The following SPATA6 variants were observed in gnomAD, a reference collection of about 807,000 sequenced individuals.
The protein encoded by SPATA6 is spermatogenesis associated 6.
SPATA6 carries 56 observed loss-of-function variants against 65.3 expected under a neutral mutation model. The observed-to-expected ratio is 0.86, with a 90% confidence interval of 0.69 to 1.07. SPATA6 has a LOEUF of 1.07. Ranked by LOEUF, SPATA6 falls within the 50% of genes least tolerant of loss-of-function variation. The pLI, the probability that SPATA6 is intolerant of heterozygous loss-of-function variation, is 0.00. For missense variants in SPATA6, 590 were observed against 594.8 expected (o/e 0.99, Z 0.08); for synonymous variants, 199 against 213.2 (o/e 0.93, Z 0.58).
intron 11 of SPATA6, among the ~76,000 whole-genome samples, chr1:48,311,219 A>C (rs1253047713): frequency 6.6e-6 from 1 of 152,142 alleles, no homozygotes; most frequent in Non-Finnish European, 1.5e-5. Context: ...TTAGGATGGA[A>C]ATAAATGAGA....
At chr1:48,375,036 A>G (rs758458058) in intron 9 of SPATA6, among the ~76,000 whole-genome samples, 1 of 152,202 alleles carries the variant, frequency 6.6e-6, no homozygotes, top group Admixed American at 6.5e-5. Flanking sequence ...TAGAAGTCCA[A>G]TAAGATCAAA....
intron 3 of SPATA6, among the ~76,000 whole-genome samples, chr1:48,443,953 C>T (rs1655759763): frequency 6.6e-6 from 1 of 152,200 alleles, no homozygotes. Context: ...ACCCACTGGC[C>T]TTTTGACTGG....
intron 9 of SPATA6, among the ~76,000 whole-genome samples, chr1:48,368,706 T>C (rs1003936227): frequency 7.9e-5 from 12 of 152,228 alleles, no homozygotes; most frequent in African/African-American, 2.9e-4. Context: ...CTAATTTTTT[T>C]TCAAAGTTGT....
At position 48,297,585 on chromosome 1, in the gene SPATA6, T is replaced by C. The variant is rs1644837676; in HGVS notation, c.*1128A>G. The C allele has an allele frequency of 1.3e-5, 2 of 152,110 alleles. No individual in the cohort carries two copies. 9.4% of individuals were successfully genotyped at this position (152,110 alleles called of 1,614,324 possible). On this transcript the variant is annotated 3_prime_UTR_variant, in exon 13 of 13. Coordinates refer to ENST00000371847, the MANE Select transcript of SPATA6 (RefSeq NM_019073.4). ...ATCAAAAACAGAGTCAATGAGAAAATATTATCTTTTAGGCAACTCTTCAAG... is the reference window on the plus strand; with the variant it reads ...ATCAAAAACAGAGTCAATGAGAAAACATTATCTTTTAGGCAACTCTTCAAG...
intron 11 of SPATA6, among the ~76,000 whole-genome samples, chr1:48,320,860 A>G (rs1351576984): frequency 2.0e-5 from 3 of 152,322 alleles, no homozygotes; most frequent in African/African-American, 7.2e-5. Context: ...AAAAAGTTAA[A>G]AAGAGGGGAG....
the SPATA6 span, among the ~76,000 whole-genome samples, chr1:48,268,540 G>C: frequency 6.7e-6 from 1 of 149,898 alleles, no homozygotes; most frequent in Non-Finnish European, 1.5e-5. Flanking sequence ...TTTATAAAAC[G>C]TAAGTGTGCT....
intron 11 of SPATA6, among the ~76,000 whole-genome samples, chr1:48,322,473 A>C (rs896319700): frequency 6.6e-6 from 1 of 152,206 alleles, no homozygotes; most frequent in Non-Finnish European, 1.5e-5. Context: ...ACCCTAGAGG[A>C]AAACCTCAGC....
intron 3 of SPATA6, among the ~76,000 whole-genome samples, chr1:48,419,842 A>G (rs1227105159): frequency 6.6e-6 from 1 of 152,212 alleles, no homozygotes; most frequent in Admixed American, 6.5e-5. Context: ...AAGTTTTCCA[A>G]GAAGTAAAAG....
At chr1:48,413,308 T>G (rs1010680047) in intron 3 of SPATA6, among the ~76,000 whole-genome samples, 157 bp from the exon 4 acceptor site, 6 of 151,074 alleles carry the variant, frequency 4.0e-5, no homozygotes, top group Admixed American at 4.0e-4. Context: ...TTTTTTTTTT[T>G]GAGACAGGGT....
At chr1:48,375,323 T>C (rs1191718198) in intron 9 of SPATA6, among the ~76,000 whole-genome samples, 6 of 152,154 alleles carry the variant, frequency 3.9e-5, no homozygotes, top group African/African-American at 1.4e-4. Context: ...ATGTATCTCT[T>C]TGTCTTTGTC....
chr1:48,285,798 C>A, the SPATA6 span, among the ~76,000 whole-genome samples: 162 of 152,228 alleles, frequency 1.1e-3, no homozygotes, highest in African/African-American at 3.7e-3. Flanking sequence ...GTGGGATGAG[C>A]CAGCTACCTC....
chr1:48,385,250 G>C, intron 9 of SPATA6, 59 bp downstream of exon 9: 1 of 1,429,934 alleles, frequency 7.0e-7, no homozygotes. Context: ...ATATGAAATA[G>C]ACTCATGTTG....
intron 3 of SPATA6, among the ~76,000 whole-genome samples, chr1:48,441,042 G>A (rs770339189): frequency 5.3e-5 from 8 of 152,080 alleles, no homozygotes; most frequent in South Asian, 2.1e-4. Context: ...CAAGGACACC[G>A]TAAAAAAGAT....
chr1:48,306,045 T>C (rs1254582035), intron 11 of SPATA6, among the ~76,000 whole-genome samples, 167 bp from the exon 12 acceptor site: 4 of 152,056 alleles, frequency 2.6e-5, no homozygotes, highest in African/African-American at 9.6e-5. Flanking sequence ...AGTGATGATT[T>C]ACTATCCTTT....
In SPATA6 at chr1:48,310,133, CAATG is replaced by C. The variant is rs370389897; in HGVS notation, c.1195-4259_1195-4256del. ...TTTTTCATTGGTCTATTGTTTAATTCAATGGCTATCCACCATTTCAGTTGGCAAT... is the reference window on the plus strand; with the variant it reads ...TTTTTCATTGGTCTATTGTTTAATTCGCTATCCACCATTTCAGTTGGCAAT... On this transcript the variant is annotated intron_variant, in intron 11 of 12. Coordinates refer to ENST00000371847, the MANE Select transcript of SPATA6 (RefSeq NM_019073.4). Among the ~76,000 whole-genome samples, 149 of 152,290 alleles carry C rather than the reference CAATG, an allele frequency of 9.8e-4. 1 individual carries two copies. The highest frequency in any genetic ancestry group is 3.5e-3 in the African/African-American group (145 of 41,562).
intron 3 of SPATA6, among the ~76,000 whole-genome samples, chr1:48,421,261 G>C (rs752041515): frequency 5.9e-5 from 9 of 151,800 alleles, no homozygotes; most frequent in Non-Finnish European, 1.0e-4. Context: ...ATCCTAATTT[G>C]ATCATTACAC....
chr1:48,361,461 G>A (rs1646810297), intron 9 of SPATA6, among the ~76,000 whole-genome samples: 1 of 152,094 alleles, frequency 6.6e-6, no homozygotes, highest in Non-Finnish European at 1.5e-5. Context: ...TGACAAGAGT[G>A]AAAATCTGAA....
chr1:48,317,622 A>G (rs1190800013), intron 11 of SPATA6, among the ~76,000 whole-genome samples: 2 of 152,194 alleles, frequency 1.3e-5, no homozygotes, highest in Non-Finnish European at 2.9e-5. Flanking sequence ...GCACATGTAT[A>G]TATATGTAAC....
At chr1:48,443,840 A>C (rs1570596689) in intron 3 of SPATA6, among the ~76,000 whole-genome samples, 1 of 152,052 alleles carries the variant, frequency 6.6e-6, no homozygotes, top group African/African-American at 2.4e-5. Flanking sequence ...CTCCTTGTCA[A>C]ATTTGTTTCC....
Sources: allele counts gnomAD v4.1 joint callset (sites outside exome capture counted in the v4.1 genomes callset), GRCh38; gene constraint gnomAD v4.1.1; transcripts MANE v1.5; gene names NCBI Gene and HGNC (gene_info 2026-07-23, HGNC 2026-07-21).